Variants in CCDC150 observed in about 807,000 individuals in gnomAD.
CCDC150 encodes the protein coiled-coil domain-containing protein 150.
A neutral mutation model predicts 156.5 loss-of-function variants in CCDC150; 151 were observed. That is an observed-to-expected ratio of 0.97 (90% CI 0.85 to 1.10). The LOEUF is 1.10. Among genes scored for constraint, CCDC150 ranks in the 50% least tolerant of loss-of-function variants. CCDC150 has a pLI of 0.00. For synonymous variants in CCDC150, 452 were observed against 429.4 expected (o/e 1.05, Z -0.65); for missense variants, 1,312 against 1,268.1 (o/e 1.03, Z -0.53).
chr2:196,713,866 A>G (rs908716752), intron 17 of CCDC150, among the ~76,000 whole-genome samples: 2 of 152,234 alleles, frequency 1.3e-5, no homozygotes, highest in African/African-American at 4.8e-5. Context: ...AGTTTTAGAC[A>G]TAGAACATTT....
intron 13 of CCDC150, 32 bp from the exon 14 acceptor site, chr2:196,695,010 GTAAA>G (rs755906111): frequency 9.9e-6 from 11 of 1,111,686 alleles, no homozygotes; most frequent in African/African-American, 9.5e-5. Flanking sequence ...TGCATCTGGC[GTAAA>G]TAGTTTCTTT....
In CCDC150 at chr2:196,719,558, T is replaced by G; in HGVS notation, c.2057T>G (p.Met686Arg). The change falls in exon 19 of 28, where the codon ATG becomes AGG. Residue 686 changes from methionine to arginine, a missense_variant. By Grantham distance (91) the Met-to-Arg change is moderately conservative. Transcript: ENST00000389175. ...GAAGACAACTGCAAAGTCACAATCA[T>G]GTTGGAGAATGTGCTGGCTTCTCAC... Reference protein sequence around the residue: ...AKEDNCKVTIMLENVLASHSK... With the variant: ...AKEDNCKVTIRLENVLASHSK... 1.2e-6 allele frequency: 2 copies of G among 1,613,016 alleles called. No individual in the cohort carries two copies. Among genetic ancestry groups the G allele is most frequent in the Non-Finnish European group, 1.7e-6 (2 of 1,179,462 alleles).
intron 13 of CCDC150, among the ~76,000 whole-genome samples, chr2:196,683,650 A>T (rs552219611): frequency 1.2e-4 from 18 of 151,964 alleles, no homozygotes; most frequent in African/African-American, 4.1e-4. Flanking sequence ...GCTTTCTTGT[A>T]TGTAGAAGGT....
At chr2:196,680,738 A>G (rs530406070) in intron 13 of CCDC150, among the ~76,000 whole-genome samples, 1 of 152,342 alleles carries the variant, frequency 6.6e-6, no homozygotes, top group East Asian at 1.9e-4. Flanking sequence ...GGTATAACCT[A>G]GGAGTGGAAC....
chr2:196,701,449 A>G (rs977455975), intron 15 of CCDC150, among the ~76,000 whole-genome samples: 2 of 152,200 alleles, frequency 1.3e-5, no homozygotes, highest in Non-Finnish European at 2.9e-5. Flanking sequence ...ATTCACTGAG[A>G]ATGTAGAAAG....
intron 9 of CCDC150, 96 bp from the exon 10 acceptor site, chr2:196,674,145 C>A: frequency 1.4e-6 from 1 of 731,948 alleles, no homozygotes; most frequent in Non-Finnish European, 2.3e-6. Flanking sequence ...TTCATATATA[C>A]AGTGAGATAC....
intron 22 of CCDC150, 136 bp downstream of exon 22, chr2:196,726,235 C>A: frequency 1.0e-6 from 1 of 958,124 alleles, no homozygotes; most frequent in Non-Finnish European, 1.5e-6. Context: ...GTAATTAAGA[C>A]CTCTCTGTAA....
At chr2:196,677,945 G>T (rs996201473) in intron 13 of CCDC150, among the ~76,000 whole-genome samples, 8 of 151,960 alleles carry the variant, frequency 5.3e-5, no homozygotes, top group African/African-American at 1.9e-4. Flanking sequence ...AGCAGAGATT[G>T]CACCACTGCA....
chr2:196,694,909 A>G, intron 13 of CCDC150, 137 bp from the exon 14 acceptor site: 6 of 505,416 alleles, frequency 1.2e-5, no homozygotes, highest in Non-Finnish European at 2.1e-5. Flanking sequence ...CTGACTGGTC[A>G]TATTTCCACA....
At chr2:196,663,586 C>T (rs73055118) in intron 5 of CCDC150, among the ~76,000 whole-genome samples, 13,721 of 152,000 alleles carry the variant, frequency 0.09, 783 homozygotes, top group African/African-American at 0.17. Flanking sequence ...GAAAGATCTA[C>T]TCACAAGTAT....
At chr2:196,673,225 C>T (rs1352028789) in intron 9 of CCDC150, among the ~76,000 whole-genome samples, 3 of 152,062 alleles carry the variant, frequency 2.0e-5, no homozygotes, top group Non-Finnish European at 4.4e-5. Flanking sequence ...AATTGTAATC[C>T]TCACAATAGC....
chr2:196,729,179 C>T lies in CCDC150; in HGVS notation c.2557-14C>T. On this transcript the variant is annotated splice_polypyrimidine_tract_variant and intron_variant, in intron 22 of 27. Coordinates refer to ENST00000389175, the MANE Select transcript of CCDC150 (RefSeq NM_001080539.2). The stretch of plus-strand genomic sequence containing the variant: ...AAAGTAAAAATGTTTCAATTTTCTC[C>T]CTTGTGTTTTAAGCTGAAGAAAGCC... 2 of 1,583,898 alleles carry T rather than the reference C, an allele frequency of 1.3e-6. No homozygotes were observed. Among genetic ancestry groups the T allele is most frequent in the Non-Finnish European group, 1.7e-6 (2 of 1,169,872 alleles).
chr2:196,673,724 C>G (rs995673995), intron 9 of CCDC150, among the ~76,000 whole-genome samples: 2 of 152,124 alleles, frequency 1.3e-5, no homozygotes, highest in Non-Finnish European at 2.9e-5. Flanking sequence ...TTATTAACTA[C>G]CTACATATAT....
intron 15 of CCDC150, 138 bp from the exon 16 acceptor site, chr2:196,712,005 ATT>A: frequency 2.7e-6 from 1 of 376,372 alleles, no homozygotes; most frequent in Non-Finnish European, 4.7e-6. Flanking sequence ...AGTTTTAAAG[ATT>A]CTCTGTAATT....
intron 13 of CCDC150, among the ~76,000 whole-genome samples, chr2:196,687,935 T>G (rs1457973419): frequency 6.6e-6 from 1 of 152,162 alleles, no homozygotes; most frequent in East Asian, 1.9e-4. Flanking sequence ...TTCTGGGTTC[T>G]CTATTCTGTT....
chr2:196,707,467 A>G (rs932697984), intron 15 of CCDC150, among the ~76,000 whole-genome samples: 1 of 151,910 alleles, frequency 6.6e-6, no homozygotes, highest in African/African-American at 2.4e-5. Context: ...CGTCTCCTGG[A>G]TTCCTTGATT....
intron 6 of CCDC150, 141 bp from the exon 7 acceptor site, chr2:196,666,578 G>T: frequency 1.4e-6 from 1 of 725,542 alleles, no homozygotes; most frequent in Non-Finnish European, 2.3e-6. Context: ...ATTCTGTTGA[G>T]ATTTTAACTG....
chr2:196,714,977 T>C (rs1383821288), intron 17 of CCDC150, among the ~76,000 whole-genome samples: 1 of 152,146 alleles, frequency 6.6e-6, no homozygotes, highest in Non-Finnish European at 1.5e-5. Context: ...ATGTTACAGG[T>C]TCAAGTTTAA....
At chr2:196,720,548 C>T (rs1697820033) in intron 19 of CCDC150, 27 bp from the exon 20 acceptor site, 1 of 1,584,060 alleles carries the variant, frequency 6.3e-7, no homozygotes, top group Admixed American at 1.7e-5. Flanking sequence ...TTTCTGTAGT[C>T]ACTCTTTTTG....
Sources: allele counts gnomAD v4.1 joint callset (sites outside exome capture counted in the v4.1 genomes callset), GRCh38; gene constraint gnomAD v4.1.1; transcripts MANE v1.5; gene names NCBI Gene and HGNC (gene_info 2026-07-23, HGNC 2026-07-21).